The following WDFY4 variants were observed in gnomAD, a reference collection of about 807,000 sequenced individuals.
The protein encoded by WDFY4 is WDFY family member 4.
WDFY4 carries 169 observed loss-of-function variants against 351.9 expected under a neutral mutation model. The ratio of observed to expected loss-of-function variants is 0.48; its 90% CI spans 0.42 to 0.55. WDFY4 has a LOEUF of 0.55. WDFY4 is among the 20% of genes least tolerant of loss of function. The probability of loss-of-function intolerance (pLI) is 0.00; values close to 1 mark genes in which losing one functional copy is unlikely to be tolerated. For synonymous variants in WDFY4, 1,622 were observed against 1,574.6 expected (o/e 1.03, Z -0.71); for missense variants, 3,803 against 3,935.6 (o/e 0.97, Z 0.90).
At chr10:48,730,251 G>A (rs1308912964) in intron 8 of WDFY4, among the ~76,000 whole-genome samples, 1 of 152,254 alleles carries the variant, frequency 6.6e-6, no homozygotes, top group Non-Finnish European at 1.5e-5. Flanking sequence ...ATAAATGGTG[G>A]CCTGGAAGGC....
At chr10:48,892,206 T>C (rs915199035) in intron 44 of WDFY4, among the ~76,000 whole-genome samples, 1 of 152,258 alleles carries the variant, frequency 6.6e-6, no homozygotes, top group African/African-American at 2.4e-5. Context: ...CATAATCCAC[T>C]GCTGTGCTCT....
intron 47 of WDFY4, among the ~76,000 whole-genome samples, chr10:48,918,961 C>T (rs2671698): frequency 0.33 from 50,752 of 152,012 alleles, 8,969 homozygotes; most frequent in Non-Finnish European, 0.39. Flanking sequence ...CTCACTATTA[C>T]CACTGACCAA....
At chr10:48,832,472 G>A (rs2068222639) in intron 38 of WDFY4, 101 bp from the exon 39 acceptor site, 2 of 1,349,282 alleles carry the variant, frequency 1.5e-6, no homozygotes, top group African/African-American at 1.5e-5. Context: ...GCAACCACAG[G>A]GGGCTCATGC....
chr10:48,900,405 A>C, intron 46 of WDFY4, 99 bp downstream of exon 46: 1 of 1,155,554 alleles, frequency 8.7e-7, no homozygotes, highest in Non-Finnish European at 1.2e-6. Context: ...AGTGTTCTCA[A>C]CCCACAGTGA....
At chr10:48,787,828 T>TTCTTTCTTCC (rs2066462080) in intron 20 of WDFY4, among the ~76,000 whole-genome samples, 1 of 138,404 alleles carries the variant, frequency 7.2e-6, no homozygotes, top group African/African-American at 3.2e-5. Context: ...CTTCTTCTTC[T>TTCTTTCTTCC]TCTTCTTCTT....
chr10:48,834,882 G>C (rs531486625), intron 39 of WDFY4, among the ~76,000 whole-genome samples: 8 of 152,186 alleles, frequency 5.3e-5, no homozygotes, highest in African/African-American at 1.9e-4. Context: ...GCAACAGTTC[G>C]TATGAAAGAA....
At chr10:48,702,980 G>A (rs1349395428) in intron 1 of WDFY4, among the ~76,000 whole-genome samples, 7 of 152,114 alleles carry the variant, frequency 4.6e-5, no homozygotes, top group Admixed American at 2.6e-4. Flanking sequence ...GCTGTTGTCC[G>A]TACTCAGTAT....
intron 43 of WDFY4, among the ~76,000 whole-genome samples, chr10:48,887,549 C>T (rs1471908991): frequency 4.6e-5 from 7 of 152,148 alleles, no homozygotes; most frequent in African/African-American, 1.4e-4. Context: ...GAGGCCAAGA[C>T]GGGCGGATCA....
chr10:48,888,896 A>G (rs1041242446), intron 43 of WDFY4, among the ~76,000 whole-genome samples: 7 of 152,132 alleles, frequency 4.6e-5, no homozygotes, highest in Non-Finnish European at 1.5e-5. Flanking sequence ...CTCTCTTAGC[A>G]TGTATCACAG....
At chr10:48,792,933 G>A (rs1022235123) in intron 23 of WDFY4, among the ~76,000 whole-genome samples, 2 of 152,160 alleles carry the variant, frequency 1.3e-5, no homozygotes, top group Non-Finnish European at 2.9e-5. Context: ...ATTGCCTTGA[G>A]AGGAGGAACT....
intron 47 of WDFY4, among the ~76,000 whole-genome samples, chr10:48,933,048 G>A (rs1204858728): frequency 1.3e-5 from 2 of 152,180 alleles, no homozygotes; most frequent in South Asian, 2.1e-4. Flanking sequence ...CAGGGAAGGA[G>A]AGTGATGGAG....
chr10:48,913,985 A>G lies in WDFY4; in HGVS notation c.7586+12122A>G, dbSNP rs1340434349. On this transcript the variant is annotated intron_variant, in intron 47 of 61. Transcript: ENST00000325239. Reference sequence around the variant, plus strand: ...GGATCTTCCTGATAAGATTCCGGCTAAGGTCCAGCTCGTCCATGTCACTAA... The same window carrying G: ...GGATCTTCCTGATAAGATTCCGGCTGAGGTCCAGCTCGTCCATGTCACTAA... 3 of 1,614,040 alleles carry G rather than the reference A, an allele frequency of 1.9e-6. No individual in the cohort carries two copies. The African/African-American group carries it at 4.0e-5, about 22-fold the overall frequency.
intron 47 of WDFY4, chr10:48,913,270 G>A (rs1277942632): frequency 2.2e-6 from 2 of 902,460 alleles, no homozygotes; most frequent in Non-Finnish European, 3.4e-6. Flanking sequence ...GGAGTTTTAT[G>A]GGCTTGGCTG....
chr10:48,851,453 G>A lies in WDFY4; in HGVS notation c.6664-15812G>A, dbSNP rs75225631. 5.4e-3 allele frequency among the ~76,000 whole-genome samples: 817 copies of A among 152,338 alleles called. 10 individuals are homozygous for A. The highest frequency in any genetic ancestry group is 0.016 in the Admixed American group (243 of 15,300). On this transcript the variant is annotated intron_variant, in intron 39 of 61. Transcript: ENST00000325239. ...TCTAAGGATGAAATGGTAATCACAT[G>A]TCCGTTCATGGCCAATACAGTGCAG...
chr10:48,814,795 A>G lies in WDFY4; in HGVS notation c.5340+713A>G, dbSNP rs551254444. 1.6e-4 allele frequency among the ~76,000 whole-genome samples: 25 copies of G among 152,328 alleles called. No individual in the cohort carries two copies. The South Asian group carries it at 2.1e-3, about 13-fold the overall frequency. On this transcript the variant is annotated intron_variant, in intron 31 of 61. Transcript: ENST00000325239. ...ACAGAAAGTAAACAACACCCACCTGACACACACCCACCCAAAAATGAGCAC... is the reference window on the plus strand; with the variant it reads ...ACAGAAAGTAAACAACACCCACCTGGCACACACCCACCCAAAAATGAGCAC...
chr10:48,770,693 C>T (rs926794958), intron 13 of WDFY4, among the ~76,000 whole-genome samples: 2 of 152,188 alleles, frequency 1.3e-5, no homozygotes, highest in Non-Finnish European at 2.9e-5. Context: ...GGTGGATTTC[C>T]ATGGGGAAGA....
chr10:48,938,630 C>G (rs1840555495), intron 47 of WDFY4, among the ~76,000 whole-genome samples: 1 of 152,204 alleles, frequency 6.6e-6, no homozygotes, highest in South Asian at 2.1e-4. Context: ...TATGGGGCAA[C>G]TCAAGGGCAC....
chr10:48,882,416 G>A (rs1305272199), intron 43 of WDFY4, among the ~76,000 whole-genome samples: 1 of 152,208 alleles, frequency 6.6e-6, no homozygotes, highest in Admixed American at 6.5e-5. Flanking sequence ...GATGTCAGAA[G>A]CCCTTGCCTT....
chr10:48,727,879 G>A (rs2064323194), intron 7 of WDFY4, among the ~76,000 whole-genome samples: 1 of 152,204 alleles, frequency 6.6e-6, no homozygotes, highest in Admixed American at 6.5e-5. Flanking sequence ...CCTGTCACCT[G>A]CATGCCTGCT....
Sources: gnomAD v4.1 joint callset for allele counts (sites outside exome capture counted in the v4.1 genomes callset) on GRCh38, gnomAD v4.1.1 for gene constraint, MANE v1.5 for transcripts, NCBI Gene and HGNC (gene_info 2026-07-23, HGNC 2026-07-21) for gene names.